The following ENTREP2 variants were observed in gnomAD, a reference collection of about 807,000 sequenced individuals.
ENTREP2 encodes the protein protein ENTREP2.
At chr15:29,323,918 G>T in the ENTREP2 span, among the ~76,000 whole-genome samples, 6 of 152,090 alleles carry the variant, frequency 3.9e-5, no homozygotes, top group African/African-American at 9.7e-5. Flanking sequence ...AGTGAATATA[G>T]AGTAGTTGAA....
the ENTREP2 span, among the ~76,000 whole-genome samples, chr15:29,668,485 A>T: frequency 6.6e-6 from 1 of 152,222 alleles, no homozygotes; most frequent in African/African-American, 2.4e-5. Flanking sequence ...TTACTCCTTA[A>T]GAGCCAAAAG....
At chr15:29,250,846 G>C in the ENTREP2 span, among the ~76,000 whole-genome samples, 2 of 152,046 alleles carry the variant, frequency 1.3e-5, no homozygotes, top group East Asian at 3.9e-4. Context: ...TCTTAAGGGG[G>C]TCTACACCAT....
chr15:29,162,943 G>T, the ENTREP2 span, among the ~76,000 whole-genome samples: 1 of 152,120 alleles, frequency 6.6e-6, no homozygotes, highest in Admixed American at 6.5e-5. Context: ...ACAGGTGCTG[G>T]TATCCATGGC....
chr15:29,656,429 G>C, the ENTREP2 span, among the ~76,000 whole-genome samples: 106 of 152,212 alleles, frequency 7.0e-4, no homozygotes, highest in African/African-American at 2.0e-3. Flanking sequence ...GTTTCACTAG[G>C]TTGCCCAAGC....
the ENTREP2 span, chr15:29,126,445 C>T: frequency 5.0e-5 from 78 of 1,549,922 alleles, no homozygotes; most frequent in East Asian, 1.5e-4. Flanking sequence ...TGGAACCTGG[C>T]GTAGCAGTGC....
chr15:29,159,648 G>C, the ENTREP2 span, among the ~76,000 whole-genome samples: 1 of 152,132 alleles, frequency 6.6e-6, no homozygotes, highest in African/African-American at 2.4e-5. Context: ...AGATTAGCTA[G>C]ATACAGTGTC....
At chr15:29,120,266 CTTT>C in the ENTREP2 span, 1 of 146,236 alleles carries the variant, frequency 6.8e-6, no homozygotes, top group Non-Finnish European at 1.5e-5. Flanking sequence ...AGAAATACTT[CTTT>C]TTATTAAAAC....
the ENTREP2 span, chr15:29,374,504 A>G: frequency 1.3e-5 from 2 of 152,150 alleles, no homozygotes; most frequent in Admixed American, 1.3e-4. Flanking sequence ...CCTCCTTTAC[A>G]GTATTTTCAC....
chr15:29,332,748 T>C, the ENTREP2 span, among the ~76,000 whole-genome samples: 2 of 150,910 alleles, frequency 1.3e-5, no homozygotes, highest in Non-Finnish European at 3.0e-5. Context: ...TCACCTGAGG[T>C]TGGAAGTTCA....
chr15:29,198,822 C>T, the ENTREP2 span, among the ~76,000 whole-genome samples: 22 of 152,194 alleles, frequency 1.4e-4, no homozygotes, highest in Non-Finnish European at 4.4e-5. Context: ...AGTTTAGTTT[C>T]ACCTGGTTTT....
At chr15:29,584,876 AAC>A in the ENTREP2 span, among the ~76,000 whole-genome samples, 5 of 152,338 alleles carry the variant, frequency 3.3e-5, 1 homozygote, top group Middle Eastern at 6.8e-3. Context: ...TAATCATGGA[AAC>A]AATTTCATAA....
chr15:29,596,276 G>C, the ENTREP2 span, among the ~76,000 whole-genome samples: 43 of 152,110 alleles, frequency 2.8e-4, no homozygotes, highest in Non-Finnish European at 4.0e-4. Flanking sequence ...TCTATATTGA[G>C]AAGCATGAGT....
chr15:29,619,178 G>T, the ENTREP2 span, among the ~76,000 whole-genome samples: 7 of 152,194 alleles, frequency 4.6e-5, no homozygotes, highest in African/African-American at 1.7e-4. Context: ...GGATCACAAG[G>T]TCAGGAGATC....
chr15:29,562,644 T>C, the ENTREP2 span, among the ~76,000 whole-genome samples: 3 of 152,194 alleles, frequency 2.0e-5, no homozygotes, highest in African/African-American at 7.2e-5. Context: ...CAGAGTTTCA[T>C]TGTTTATTAG....
chr15:29,520,534 T>C, the ENTREP2 span, among the ~76,000 whole-genome samples: 7 of 152,020 alleles, frequency 4.6e-5, no homozygotes, highest in African/African-American at 1.4e-4. Context: ...CCTGACCCTA[T>C]ATTAAATTGT....
chr15:29,410,802 T>C, the ENTREP2 span, among the ~76,000 whole-genome samples: 1 of 152,208 alleles, frequency 6.6e-6, no homozygotes, highest in Non-Finnish European at 1.5e-5. Context: ...TTGTTTGTTT[T>C]TGAGATGGAG....
At chr15:29,630,391 A>G in the ENTREP2 span, among the ~76,000 whole-genome samples, 1 of 151,912 alleles carries the variant, frequency 6.6e-6, no homozygotes, top group African/African-American at 2.4e-5. Context: ...GCTGCTTTCA[A>G]TTGTGTTTTT....
chr15:29,226,055 G>A, the ENTREP2 span, among the ~76,000 whole-genome samples: 5 of 152,206 alleles, frequency 3.3e-5, no homozygotes, highest in Admixed American at 1.3e-4. Flanking sequence ...AGAAGGGAGC[G>A]GAGCCAGGAT....
At chr15:29,454,840 G>C in the ENTREP2 span, among the ~76,000 whole-genome samples, 1 of 152,202 alleles carries the variant, frequency 6.6e-6, no homozygotes, top group Non-Finnish European at 1.5e-5. Context: ...AAACTGGGAA[G>C]TAATACACAT....
Sources: gnomAD v4.1 joint callset for allele counts (sites outside exome capture counted in the v4.1 genomes callset) on GRCh38, gnomAD v4.1.1 for gene constraint, MANE v1.5 for transcripts, NCBI Gene and HGNC (gene_info 2026-07-23, HGNC 2026-07-21) for gene names.